ANTXR1: variants seen among roughly 807,000 people sequenced by gnomAD.
ANTXR1 encodes the protein anthrax toxin receptor 1.
A neutral mutation model predicts 78.1 loss-of-function variants in ANTXR1; 19 were observed. That is an observed-to-expected ratio of 0.24 (90% confidence interval 0.17 to 0.36). ANTXR1 has a LOEUF of 0.36. ANTXR1 is among the 10% of genes least tolerant of loss of function. ANTXR1 has a pLI of 1.00. For missense variants in ANTXR1, 518 were observed against 718.6 expected, an observed-to-expected ratio of 0.72 and a Z score of 3.19; for synonymous variants, 273 against 260.5, an observed-to-expected ratio of 1.05 and a Z score of -0.46.
At chr2:69,153,703 A>T (rs1385617083) in intron 13 of ANTXR1, among the ~76,000 whole-genome samples, 1 of 152,256 alleles carries the variant, frequency 6.6e-6, no homozygotes, top group Non-Finnish European at 1.5e-5. Flanking sequence ...GTCTAGAAAA[A>T]GAAAAGAAAA....
intron 1 of ANTXR1, among the ~76,000 whole-genome samples, chr2:69,030,841 A>G (rs1558734620): frequency 6.6e-6 from 1 of 152,096 alleles, no homozygotes; most frequent in Non-Finnish European, 1.5e-5. Context: ...AGCTATCAGG[A>G]AAAAAAATAC....
In ANTXR1 at chr2:69,111,664, C is replaced by G. The variant is rs527756882; in HGVS notation, c.802+8724C>G. 5.9e-5 allele frequency among the ~76,000 whole-genome samples: 9 copies of G among 152,306 alleles called. No homozygotes were observed. In the South Asian group the frequency reaches 1.9e-3, roughly 32 times the overall value. ...ACACTCTCAAAGGATAAAGCTTTGTCCCATTTGAACATATTTCCCCAAACT... is the reference window on the plus strand; with the variant it reads ...ACACTCTCAAAGGATAAAGCTTTGTGCCATTTGAACATATTTCCCCAAACT... On this transcript the variant is annotated intron_variant, in intron 10 of 17. Transcript: ENST00000303714.
chr2:69,201,994 G>T (rs1046139773), intron 17 of ANTXR1, among the ~76,000 whole-genome samples: 1 of 152,146 alleles, frequency 6.6e-6, no homozygotes, highest in African/African-American at 2.4e-5. Flanking sequence ...TTGTGCCCTA[G>T]ACACCTCGCA....
At chr2:69,117,605 A>G (rs1230057849) in intron 10 of ANTXR1, among the ~76,000 whole-genome samples, 5 of 152,242 alleles carry the variant, frequency 3.3e-5, no homozygotes, top group Non-Finnish European at 5.9e-5. Flanking sequence ...GCAATCAGGC[A>G]TTTTGAACAT....
intron 3 of ANTXR1, among the ~76,000 whole-genome samples, chr2:69,063,198 TCAAGCAGGA>T (rs896207298): frequency 2.6e-5 from 4 of 151,920 alleles, no homozygotes; most frequent in African/African-American, 9.7e-5. Flanking sequence ...TCAAAGAACC[TCAAGCAGGA>T]CAAATGCAAA....
intron 8 of ANTXR1, among the ~76,000 whole-genome samples, chr2:69,088,927 G>A (rs919576427): frequency 2.6e-5 from 4 of 152,238 alleles, no homozygotes; most frequent in South Asian, 2.1e-4. Flanking sequence ...AACAGAGATG[G>A]GCAAGGGACA....
At position 69,134,465 on chromosome 2, in the gene ANTXR1, G is replaced by A. The variant is rs578104025; in HGVS notation, c.951+9822G>A. ...AGCTGCATTGGGTGGGAATGAGCTC[G>A]CTATTATAGTTGCAGTCAAGCACAG... On this transcript the variant is annotated intron_variant, in intron 12 of 17. Transcript: ENST00000303714. Among the ~76,000 whole-genome samples, 10 of 152,252 alleles carry A rather than the reference G, an allele frequency of 6.6e-5. No homozygotes were observed. The East Asian group carries it at 9.6e-4, about 15-fold the overall frequency.
rs554601996 is a variant in ANTXR1, at chr2:69,138,084, CAAAAAAAAAAGAAA to C, written c.951+13456_951+13469del. On this transcript the variant is annotated intron_variant, in intron 12 of 17. Transcript: ENST00000303714. Reference sequence around the variant, plus strand: ...AGGCGACAACAGCAAGACTCCATCTCAAAAAAAAAAGAAAAAAAAAAAAAGAAAGAAAAAAGAAA... The same window carrying C: ...AGGCGACAACAGCAAGACTCCATCTCAAAAAAAAAAGAAAGAAAAAAGAAA... Among the ~76,000 whole-genome samples, 300 of 67,712 alleles carry C rather than the reference CAAAAAAAAAAGAAA, an allele frequency of 4.4e-3. 1 individual carries two copies. Among genetic ancestry groups the C allele is most frequent in the African/African-American group, 0.01 (156 of 15,254 alleles). The allele number at this position is 67,712 out of a possible 152,430, so 44.4% of individuals were successfully genotyped here.
At chr2:69,122,597 T>G (rs1462216809) in intron 10 of ANTXR1, among the ~76,000 whole-genome samples, 2 of 152,206 alleles carry the variant, frequency 1.3e-5, no homozygotes, top group Non-Finnish European at 2.9e-5. Flanking sequence ...TGTTTTTGTT[T>G]TTTTATTATT....
At chr2:69,103,219 A>G (rs942375098) in intron 10 of ANTXR1, 1 of 465,792 alleles carries the variant, frequency 2.1e-6, no homozygotes. Context: ...CACAAGCCCC[A>G]GCCCTGCAGC....
intron 2 of ANTXR1, among the ~76,000 whole-genome samples, chr2:69,042,791 G>A (rs893540898): frequency 2.5e-4 from 38 of 152,152 alleles, no homozygotes; most frequent in African/African-American, 8.9e-4. Context: ...ATGACCCAGA[G>A]GAAAAATCCA....
At chr2:69,203,861 T>C (rs1674833147) in intron 17 of ANTXR1, among the ~76,000 whole-genome samples, 3 of 152,128 alleles carry the variant, frequency 2.0e-5, no homozygotes, top group Admixed American at 1.3e-4. Context: ...CAACAGAAGG[T>C]CGAGTCCTGG....
At chr2:69,052,841 AGTT>A (rs752735706) in intron 3 of ANTXR1, among the ~76,000 whole-genome samples, 50 of 151,678 alleles carry the variant, frequency 3.3e-4, no homozygotes, top group African/African-American at 1.2e-3. Context: ...TACCAGTCTA[AGTT>A]GTTTATTTTG....
intron 10 of ANTXR1, chr2:69,103,470 A>G (rs1337328588): frequency 2.9e-5 from 5 of 173,056 alleles, no homozygotes; most frequent in African/African-American, 7.2e-5. Flanking sequence ...GCTTTTTTCA[A>G]TCTGGATGAT....
chr2:69,217,873 C>CT (rs1675217995), intron 17 of ANTXR1, among the ~76,000 whole-genome samples: 1 of 152,152 alleles, frequency 6.6e-6, no homozygotes, highest in Non-Finnish European at 1.5e-5. Context: ...GAGAGAATGT[C>CT]TGTCTCCTTT....
chr2:69,183,426 A>G (rs1158271612), intron 16 of ANTXR1, among the ~76,000 whole-genome samples: 1 of 151,954 alleles, frequency 6.6e-6, no homozygotes, highest in Non-Finnish European at 1.5e-5. Context: ...TTTTTGAGAC[A>G]GGTTCTCACT....
intron 10 of ANTXR1, among the ~76,000 whole-genome samples, chr2:69,104,905 G>A (rs1671754360): frequency 6.6e-6 from 1 of 152,186 alleles, no homozygotes; most frequent in Non-Finnish European, 1.5e-5. Flanking sequence ...GCAACATGGT[G>A]AAACCTTGTC....
chr2:69,129,010 G>C (rs1672639206), intron 12 of ANTXR1, among the ~76,000 whole-genome samples: 1 of 152,130 alleles, frequency 6.6e-6, no homozygotes, highest in South Asian at 2.1e-4. Flanking sequence ...AGTTTTACAG[G>C]AAAGAGATTT....
At chr2:69,090,480 C>T (rs1171833367) in intron 8 of ANTXR1, among the ~76,000 whole-genome samples, 2 of 152,130 alleles carry the variant, frequency 1.3e-5, no homozygotes, top group African/African-American at 4.8e-5. Context: ...ACTGTCTACT[C>T]TTTCACCCTT....
Sources: allele counts gnomAD v4.1 joint callset (sites outside exome capture counted in the v4.1 genomes callset), GRCh38; gene constraint gnomAD v4.1.1; transcripts MANE v1.5; gene names NCBI Gene and HGNC (gene_info 2026-07-23, HGNC 2026-07-21).